Variants in AGTPBP1 observed in about 807,000 individuals in gnomAD.
AGTPBP1 encodes cytosolic carboxypeptidase 1.
Under a neutral mutation model 143.9 loss-of-function variants are expected in AGTPBP1, and 70 were observed. The observed-to-expected ratio is 0.49, with a 90% CI of 0.40 to 0.59. The LOEUF (loss-of-function observed/expected upper bound fraction) is 0.59. Ranked by LOEUF, AGTPBP1 falls within the 20% of genes least tolerant of loss-of-function variation. The probability of loss-of-function intolerance (pLI) is 0.00; values close to 1 mark genes in which losing one functional copy is unlikely to be tolerated. For missense variants in AGTPBP1, 1,229 were observed against 1,464.5 expected, an observed-to-expected ratio of 0.84 and a Z score of 2.62; for synonymous variants, 463 against 500.2, an observed-to-expected ratio of 0.93 and a Z score of 0.99.
intron 11 of AGTPBP1, among the ~76,000 whole-genome samples, chr9:85,651,479 A>C (rs1309461619): frequency 6.6e-6 from 1 of 152,200 alleles, no homozygotes; most frequent in East Asian, 1.9e-4. Flanking sequence ...TTTTGCCAAT[A>C]ATTAGCTAAC....
At chr9:85,746,874 G>GT (rs569763666), upstream of AGTPBP1, among the ~76,000 whole-genome samples, 12 of 151,534 alleles carry the variant, frequency 7.9e-5, no homozygotes, top group Admixed American at 2.6e-4. Flanking sequence ...GTACAATTTT[G>GT]TTTTTTTTGA....
the AGTPBP1 span, among the ~76,000 whole-genome samples, chr9:85,797,460 C>T: frequency 6.6e-6 from 1 of 152,068 alleles, no homozygotes; most frequent in Non-Finnish European, 1.5e-5. Context: ...TATTTTCCAC[C>T]AGAGTTGTGA....
rs769922505 is a variant in AGTPBP1, at chr9:85,660,958, AGTG to A, written c.675_677del (p.Thr226del). On this transcript the variant is annotated inframe_deletion, in exon 9 of 26. Coordinates refer to ENST00000357081, the MANE Select transcript of AGTPBP1 (RefSeq NM_001330701.2). ...TACTTGATTTTAGCAATGCAGCAAGAGTGTCTAAAGCAACCCTGTCAACACAAC... is the reference window on the plus strand; with the variant it reads ...TACTTGATTTTAGCAATGCAGCAAGATCTAAAGCAACCCTGTCAACACAAC... The A allele has an allele frequency of 3.8e-6, 6 of 1,596,568 alleles. No homozygotes were observed. Among genetic ancestry groups the A allele is most frequent in the Non-Finnish European group, 4.3e-6 (5 of 1,173,228 alleles).
At chr9:85,722,758 G>T (rs558155078) in intron 1 of AGTPBP1, among the ~76,000 whole-genome samples, 25 of 152,200 alleles carry the variant, frequency 1.6e-4, no homozygotes, top group African/African-American at 6.0e-4. Context: ...AGGTGCTCTG[G>T]TTTTTTGAAC....
the AGTPBP1 span, among the ~76,000 whole-genome samples, chr9:85,784,656 G>T: frequency 6.6e-6 from 1 of 152,198 alleles, no homozygotes; most frequent in Non-Finnish European, 1.5e-5. Flanking sequence ...AACTTAGTAT[G>T]AGTTCCATGT....
At chr9:85,639,367 G>GCGCGCACA (rs1554713133) in intron 13 of AGTPBP1, among the ~76,000 whole-genome samples, 32 of 147,232 alleles carry the variant, frequency 2.2e-4, no homozygotes, top group Admixed American at 6.1e-4. Flanking sequence ...GCGCGCACGC[G>GCGCGCACA]CACACACACA....
At chr9:85,700,704 T>C (rs1316995943) in intron 2 of AGTPBP1, among the ~76,000 whole-genome samples, 1 of 152,132 alleles carries the variant, frequency 6.6e-6, no homozygotes, top group Admixed American at 6.5e-5. Flanking sequence ...CTGGCTATGA[T>C]ATAGTGAGAA....
chr9:85,718,017 T>C (rs1837833293), intron 1 of AGTPBP1, among the ~76,000 whole-genome samples: 1 of 152,228 alleles, frequency 6.6e-6, no homozygotes, highest in Non-Finnish European at 1.5e-5. Flanking sequence ...CTCATCATTT[T>C]TTATGGCTGC....
intron 1 of AGTPBP1, chr9:85,741,564 G>GC: frequency 2.0e-6 from 2 of 985,416 alleles, no homozygotes; most frequent in Non-Finnish European, 2.4e-6. Context: ...CCCAGTCAAA[G>GC]CCCCACCCCG....
intron 1 of AGTPBP1, among the ~76,000 whole-genome samples, chr9:85,721,232 T>C (rs1418505307): frequency 4.6e-5 from 7 of 152,242 alleles, no homozygotes; most frequent in African/African-American, 1.4e-4. Context: ...GTTAACCTTC[T>C]GTCTCATTGA....
intron 25 of AGTPBP1, among the ~76,000 whole-genome samples, chr9:85,572,339 G>A (rs570564920): frequency 4.5e-4 from 68 of 151,954 alleles, no homozygotes; most frequent in Admixed American, 4.4e-3. Context: ...GGCTTGGTTT[G>A]TATTTTTATA....
intron 13 of AGTPBP1, among the ~76,000 whole-genome samples, chr9:85,638,134 T>C (rs1048294008): frequency 6.6e-6 from 1 of 151,754 alleles, no homozygotes; most frequent in African/African-American, 2.4e-5. Flanking sequence ...AAAAAGTGTG[T>C]ATATATATAT....
chr9:85,741,009 G>A (rs1271106765), intron 1 of AGTPBP1, among the ~76,000 whole-genome samples: 1 of 152,176 alleles, frequency 6.6e-6, no homozygotes, highest in African/African-American at 2.4e-5. Context: ...GCTCGTAAGA[G>A]GTTTATACCG....
intron 14 of AGTPBP1, among the ~76,000 whole-genome samples, chr9:85,626,022 A>T (rs1831269101): frequency 6.9e-6 from 1 of 144,766 alleles, no homozygotes; most frequent in Non-Finnish European, 1.5e-5. Flanking sequence ...CCTACTCTCT[A>T]ATGTTATGGA....
At chr9:85,650,970 T>A (rs1314851983) in intron 11 of AGTPBP1, among the ~76,000 whole-genome samples, 1 of 152,342 alleles carries the variant, frequency 6.6e-6, no homozygotes, top group Admixed American at 6.5e-5. Context: ...GAATAACACA[T>A]ACATATTTGC....
chr9:85,692,099 T>C (rs549841987), intron 3 of AGTPBP1, among the ~76,000 whole-genome samples: 19 of 152,212 alleles, frequency 1.2e-4, no homozygotes, highest in Non-Finnish European at 2.5e-4. Flanking sequence ...CTACTTGATA[T>C]CTTTTTGCCA....
At chr9:85,698,812 C>A (rs2134340743) in intron 2 of AGTPBP1, among the ~76,000 whole-genome samples, 1 of 150,692 alleles carries the variant, frequency 6.6e-6, no homozygotes, top group South Asian at 2.1e-4. Context: ...CCTGCCTCAG[C>A]CTCCCGAGTA....
Position 85,728,030 on chromosome 9 carries a change from T to TACACACAC in AGTPBP1, c.-34+13737_-34+13744dup, listed in dbSNP as rs57676033. ...CCGTGTCTCAAAATATATATTTATA[T>TACACACAC]ACACACACACACACACACACACACA... On this transcript the variant is annotated intron_variant, in intron 1 of 25. Transcript: ENST00000357081. Among the ~76,000 whole-genome samples, 26 of 128,432 alleles carry TACACACAC rather than the reference T, an allele frequency of 2.0e-4. 1 individual carries two copies. Among genetic ancestry groups the TACACACAC allele is most frequent in the Admixed American group, 6.4e-4 (8 of 12,566 alleles). The allele number at this position is 128,432 out of a possible 152,430, so 84.3% of individuals were successfully genotyped here. A position where few individuals can be genotyped will look rare whatever the true frequency, so the allele number is the denominator to read the frequency against.
intron 13 of AGTPBP1, among the ~76,000 whole-genome samples, chr9:85,634,025 C>T (rs1054172434): frequency 6.6e-6 from 1 of 151,564 alleles, no homozygotes; most frequent in African/African-American, 2.4e-5. Flanking sequence ...AACCCTGTCT[C>T]TACTAAAACT....
Sources: allele counts gnomAD v4.1 joint callset (sites outside exome capture counted in the v4.1 genomes callset), GRCh38; gene constraint gnomAD v4.1.1; transcripts MANE v1.5; gene names NCBI Gene and HGNC (gene_info 2026-07-23, HGNC 2026-07-21).